Variants in BCR observed in about 807,000 individuals in gnomAD.
BCR encodes the protein breakpoint cluster region protein.
BCR carries 58 observed loss-of-function variants against 138.6 expected under a neutral mutation model. That is an observed-to-expected ratio of 0.42 (90% confidence interval 0.34 to 0.52). BCR has a LOEUF of 0.52. Ranked by LOEUF, BCR falls within the 20% of genes least tolerant of loss-of-function variation. The pLI, the probability that BCR is intolerant of heterozygous loss-of-function variation, is 0.06. For synonymous variants in BCR, 786 were observed against 730.1 expected, an observed-to-expected ratio of 1.08 and a Z score of -1.23; for missense variants, 1,599 against 1,727.2, an observed-to-expected ratio of 0.93 and a Z score of 1.32.
chr22:23,264,478 C>G, intron 4 of BCR: 1 of 596,902 alleles, frequency 1.7e-6, no homozygotes, highest in East Asian at 2.8e-5. Flanking sequence ...GGCCTGTGAC[C>G]CCAGTGCTCA....
At chr22:23,314,219 C>G in intron 21 of BCR, 146 bp downstream of exon 21, 1 of 684,810 alleles carries the variant, frequency 1.5e-6, no homozygotes, top group Non-Finnish European at 2.5e-6. Context: ...ACTAGTGCCA[C>G]TGCCACCCCT....
intron 1 of BCR, among the ~76,000 whole-genome samples, chr22:23,227,157 T>C (rs1285059197): frequency 6.6e-6 from 1 of 152,098 alleles, no homozygotes; most frequent in African/African-American, 2.4e-5. Flanking sequence ...TCATAAAATA[T>C]TTGAGGAGGT....
intron 1 of BCR, among the ~76,000 whole-genome samples, chr22:23,194,815 C>T (rs2072458282): frequency 6.6e-6 from 1 of 152,082 alleles, no homozygotes; most frequent in Non-Finnish European, 1.5e-5. Flanking sequence ...GTGGCATGTG[C>T]CCGTAATCTC....
chr22:23,266,037 T>C (rs1320670334), intron 4 of BCR, among the ~76,000 whole-genome samples: 2 of 152,204 alleles, frequency 1.3e-5, no homozygotes, highest in Non-Finnish European at 2.9e-5. Context: ...TCTCCTTCCA[T>C]CTGTACCAGT....
chr22:23,233,804 GAAAAAAAAGAAA>G (rs1224323668), intron 1 of BCR, among the ~76,000 whole-genome samples: 4 of 87,890 alleles, frequency 4.6e-5, no homozygotes, highest in African/African-American at 2.0e-4. Flanking sequence ...AAAAAAAAAA[GAAAAAAAAGAAA>G]AAAAAAAAGA....
chr22:23,252,802 C>T (rs908117168), intron 1 of BCR, among the ~76,000 whole-genome samples: 34 of 152,166 alleles, frequency 2.2e-4, no homozygotes, highest in Non-Finnish European at 4.4e-4. Context: ...TGTACACAAG[C>T]TCAACGCAGA....
chr22:23,181,207 G>A lies in BCR; in HGVS notation c.247G>A (p.Ala83Thr). ...QRWGFRRAAQ[A>T]PDGASEPRAS... ...ATGGGGCTTCCGGCGCGCGGCGCAG[G>A]CCCCCGACGGCGCCTCCGAGCCCCG... Residue 83 changes from alanine to threonine, a missense_variant, in exon 1 of 23, where the codon GCC becomes ACC. This residue lies in a region of BCR where 806 missense variants were observed against 635.0 expected (regional missense o/e 1.27). Coordinates refer to ENST00000305877, the MANE Select transcript of BCR (RefSeq NM_004327.4). 2 of 1,266,934 alleles carry A rather than the reference G, an allele frequency of 1.6e-6. No homozygotes were observed. The highest frequency in any genetic ancestry group is 3.4e-5 in the East Asian group (1 of 29,132). 78.5% of individuals were successfully genotyped at this position (1,266,934 alleles called of 1,614,324 possible).
Position 23,180,960 on chromosome 22 carries a change from C to A in BCR, c.-1C>A, listed in dbSNP as rs368527107. Reference sequence around the variant, plus strand: ...GCGGCGCAGGTAAGGCCGGCCGCGCCATGGTGGACCCGGTGGGCTTCGCGG... The same window carrying A: ...GCGGCGCAGGTAAGGCCGGCCGCGCAATGGTGGACCCGGTGGGCTTCGCGG... On this transcript the variant is annotated 5_prime_UTR_variant, in exon 1 of 23. Transcript: ENST00000305877. 2.2e-5 allele frequency: 30 copies of A among 1,348,394 alleles called. 1 individual carries two copies. In the South Asian group the frequency reaches 5.0e-4, roughly 22 times the overall value. The allele number at this position is 1,348,394 out of a possible 1,614,324, so 83.5% of individuals were successfully genotyped here.
chr22:23,221,895 G>T (rs1425221647), intron 1 of BCR, among the ~76,000 whole-genome samples: 1 of 152,166 alleles, frequency 6.6e-6, no homozygotes, highest in Non-Finnish European at 1.5e-5. Context: ...TTCGAGACCA[G>T]CCTGGCTAAC....
At chr22:23,242,386 ACCCCTC>A (rs1292757479) in intron 1 of BCR, among the ~76,000 whole-genome samples, 1 of 152,068 alleles carries the variant, frequency 6.6e-6, no homozygotes, top group Non-Finnish European at 1.5e-5. Context: ...CAAGGAAGAC[ACCCCTC>A]CCAGAGGAAT....
chr22:23,246,825 T>C (rs997874543), intron 1 of BCR, among the ~76,000 whole-genome samples: 1 of 152,064 alleles, frequency 6.6e-6, no homozygotes, highest in African/African-American at 2.4e-5. Context: ...GGAACTTACC[T>C]CCCTGAAGCA....
chr22:23,293,996 C>G (rs1431924135), intron 15 of BCR, among the ~76,000 whole-genome samples: 1 of 152,196 alleles, frequency 6.6e-6, no homozygotes, highest in Non-Finnish European at 1.5e-5. Flanking sequence ...CTGGAGAGCT[C>G]GGGGAGCAGT....
chr22:23,185,333 G>T (rs2072325616), intron 1 of BCR, among the ~76,000 whole-genome samples: 1 of 152,174 alleles, frequency 6.6e-6, no homozygotes, highest in African/African-American at 2.4e-5. Context: ...GCCCGCCTGT[G>T]GGGGTAATGA....
chr22:23,289,645 C>G, intron 13 of BCR, 24 bp downstream of exon 13: 1 of 1,590,838 alleles, frequency 6.3e-7, no homozygotes, highest in South Asian at 1.1e-5. Flanking sequence ...TTTCCGTGTA[C>G]AGGGCACCTG....
chr22:23,303,743 A>G (rs980440373), intron 16 of BCR, among the ~76,000 whole-genome samples: 1 of 152,190 alleles, frequency 6.6e-6, no homozygotes, highest in African/African-American at 2.4e-5. Flanking sequence ...CGCCATCAAC[A>G]TGGATAGTGA....
At chr22:23,297,190 C>T (rs1454574073) in intron 16 of BCR, among the ~76,000 whole-genome samples, 2 of 150,684 alleles carry the variant, frequency 1.3e-5, no homozygotes, top group East Asian at 1.9e-4. Flanking sequence ...TCGTGCCCCA[C>T]CATGCCTGGC....
Position 23,271,517 on chromosome 22 carries a change from C to CTT in BCR, c.1861-12_1861-11dup. The CTT allele has an allele frequency of 6.2e-7, 1 of 1,613,852 alleles. No individual in the cohort carries two copies. Among genetic ancestry groups the CTT allele is most frequent in the Non-Finnish European group, 8.5e-7 (1 of 1,179,848 alleles). ...CTTCTGTCATCTGTGTGAACATGCG[C>CTT]TTTTCTCTCTGCAGAACCTGAGAGC... On this transcript the variant is annotated splice_polypyrimidine_tract_variant and intron_variant, in intron 5 of 22. Transcript: ENST00000305877.
chr22:23,209,911 T>C (rs1052831655), intron 1 of BCR, among the ~76,000 whole-genome samples: 1 of 152,156 alleles, frequency 6.6e-6, no homozygotes, highest in Non-Finnish European at 1.5e-5. Context: ...ATTACAGACA[T>C]GCACCACTGC....
intron 8 of BCR, among the ~76,000 whole-genome samples, chr22:23,280,089 G>A (rs1053633392): frequency 1.3e-5 from 2 of 152,126 alleles, no homozygotes; most frequent in Admixed American, 1.3e-4. Flanking sequence ...TACTCACCTC[G>A]CAAAGGCCCC....
Sources: gnomAD v4.1 joint callset for allele counts (sites outside exome capture counted in the v4.1 genomes callset) on GRCh38, gnomAD v4.1.1 for gene constraint, gnomAD v4.1.1 regional missense constraint, MANE v1.5 for transcripts, NCBI Gene and HGNC (gene_info 2026-07-23, HGNC 2026-07-21) for gene names.